The following STK32B variants were observed in gnomAD, a reference collection of about 807,000 sequenced individuals.
STK32B encodes serine/threonine-protein kinase 32B.
In STK32B, 43 loss-of-function variants were observed where a neutral mutation model predicts 52.6. The observed-to-expected ratio is 0.82, with a 90% CI of 0.64 to 1.05. The LOEUF (loss-of-function observed/expected upper bound fraction) is 1.05, where lower values mean the gene tolerates loss of function less well. Ranked by LOEUF, STK32B falls within the 50% of genes least tolerant of loss-of-function variation. The pLI is 0.00. For synonymous variants in STK32B, 238 were observed against 204.3 expected, an observed-to-expected ratio of 1.17 and a Z score of -1.41; for missense variants, 621 against 534.6, an observed-to-expected ratio of 1.16 and a Z score of -1.59.
chr4:5,078,040 T>G (rs1464194159), intron 1 of STK32B, among the ~76,000 whole-genome samples: 1 of 152,164 alleles, frequency 6.6e-6, no homozygotes, highest in Non-Finnish European at 1.5e-5. Flanking sequence ...ATCTCTTCTC[T>G]CAACGTCTTA....
intron 3 of STK32B, among the ~76,000 whole-genome samples, chr4:5,281,026 G>A (rs1206738779): frequency 6.6e-6 from 1 of 152,154 alleles, no homozygotes; most frequent in Non-Finnish European, 1.5e-5. Context: ...GGCTGGGGAT[G>A]CCTCAGGAAA....
intron 3 of STK32B, among the ~76,000 whole-genome samples, chr4:5,309,858 C>T (rs1462138877): frequency 6.6e-6 from 1 of 152,040 alleles, no homozygotes; most frequent in Non-Finnish European, 1.5e-5. Context: ...AAAGCACAGA[C>T]AACAAAAGCA....
intron 2 of STK32B, among the ~76,000 whole-genome samples, chr4:5,143,152 C>T (rs1716636132): frequency 9.6e-6 from 1 of 104,162 alleles, no homozygotes; most frequent in South Asian, 3.1e-4. Flanking sequence ...TCTATCTGTC[C>T]ATATTCTGTT....
chr4:5,455,966 G>A (rs1322151587), intron 7 of STK32B, among the ~76,000 whole-genome samples: 1 of 152,082 alleles, frequency 6.6e-6, no homozygotes. Context: ...GTCATCCCAA[G>A]ACATGTGGCC....
chr4:5,146,109 A>G (rs1716895021), intron 2 of STK32B, among the ~76,000 whole-genome samples: 1 of 137,570 alleles, frequency 7.3e-6, no homozygotes. Flanking sequence ...TCTTTTGTTT[A>G]TTGGATTGTG....
chr4:5,411,423 G>A (rs1308404010), intron 5 of STK32B, among the ~76,000 whole-genome samples: 3 of 152,084 alleles, frequency 2.0e-5, no homozygotes, highest in East Asian at 3.9e-4. Context: ...AAATGATTTC[G>A]TAGCAGACAA....
chr4:5,024,969 G>C, the STK32B span, among the ~76,000 whole-genome samples: 1 of 152,268 alleles, frequency 6.6e-6, no homozygotes, highest in Middle Eastern at 3.4e-3. Flanking sequence ...TCTCTGAAGG[G>C]AGTTGCTGTA....
chr4:5,106,507 A>G (rs1267458669), intron 1 of STK32B, among the ~76,000 whole-genome samples: 1 of 152,226 alleles, frequency 6.6e-6, no homozygotes, highest in Non-Finnish European at 1.5e-5. Context: ...CCTACTTGGA[A>G]TAGATTTTTG....
chr4:5,347,035 T>C (rs1290009514), intron 4 of STK32B, among the ~76,000 whole-genome samples: 1 of 152,190 alleles, frequency 6.6e-6, no homozygotes, highest in Non-Finnish European at 1.5e-5. Context: ...ACTGCCCCTG[T>C]GATCTGGTCA....
At chr4:5,343,236 G>A (rs1303397805) in intron 4 of STK32B, among the ~76,000 whole-genome samples, 1 of 151,956 alleles carries the variant, frequency 6.6e-6, no homozygotes, top group Non-Finnish European at 1.5e-5. Context: ...TGCTGAGAAT[G>A]ATGGTTTCCA....
intron 1 of STK32B, among the ~76,000 whole-genome samples, chr4:5,113,440 C>G (rs887202166): frequency 3.3e-5 from 5 of 152,240 alleles, no homozygotes; most frequent in African/African-American, 9.6e-5. Context: ...ATGCAGCACA[C>G]AAAGCTTCTT....
At chr4:5,393,255 G>A (rs1458274806) in intron 4 of STK32B, among the ~76,000 whole-genome samples, 1 of 152,134 alleles carries the variant, frequency 6.6e-6, no homozygotes, top group African/African-American at 2.4e-5. Context: ...GCCCCACTCT[G>A]TTATTATTCA....
chr4:5,074,157 C>G (rs1711937182), intron 1 of STK32B, among the ~76,000 whole-genome samples: 2 of 149,968 alleles, frequency 1.3e-5, no homozygotes, highest in South Asian at 4.2e-4. Context: ...CCACAGACTA[C>G]CGGAGATTCT....
At chr4:5,125,485 G>A (rs779447815) in intron 1 of STK32B, among the ~76,000 whole-genome samples, 1 of 152,170 alleles carries the variant, frequency 6.6e-6, no homozygotes, top group Non-Finnish European at 1.5e-5. Flanking sequence ...AGAGTCATGG[G>A]GGCAGCTGCA....
chr4:5,344,458 T>C (rs6817527), intron 4 of STK32B, among the ~76,000 whole-genome samples: 53,501 of 151,990 alleles, frequency 0.35, 11,964 homozygotes, highest in African/African-American at 0.64. Context: ...AACTAACAGT[T>C]TCAGTACTGA....
At position 5,360,584 on chromosome 4, in the gene STK32B, C is replaced by A. The variant is rs71597754; in HGVS notation, c.434+29191C>A. Among the ~76,000 whole-genome samples, 965 of 152,178 alleles carry A rather than the reference C, an allele frequency of 6.3e-3. 3 individuals carry two copies. The highest frequency in any genetic ancestry group is 0.011 in the Non-Finnish European group (741 of 68,020). ...CATTACTGATGCAAGAGGTACACAG[C>A]ATGTTTTATGGTTTTATAGCTGGGA... On this transcript the variant is annotated intron_variant, in intron 4 of 11. Transcript: ENST00000282908.
At chr4:5,183,551 A>G (rs1720516400) in intron 3 of STK32B, among the ~76,000 whole-genome samples, 1 of 152,204 alleles carries the variant, frequency 6.6e-6, no homozygotes, top group African/African-American at 2.4e-5. Flanking sequence ...TTAAAGTCCT[A>G]GATGGCATCT....
chr4:5,341,598 A>G (rs1203225963), intron 4 of STK32B, among the ~76,000 whole-genome samples: 1 of 152,240 alleles, frequency 6.6e-6, no homozygotes, highest in Non-Finnish European at 1.5e-5. Context: ...TAAATTTGCT[A>G]TATTAGGCTG....
At chr4:5,144,810 ATCC>A (rs1716780248) in intron 2 of STK32B, among the ~76,000 whole-genome samples, 1 of 152,038 alleles carries the variant, frequency 6.6e-6, no homozygotes, top group African/African-American at 2.4e-5. Flanking sequence ...CCATCCATCC[ATCC>A]ATCCATCCAT....
Sources: allele counts gnomAD v4.1 joint callset (sites outside exome capture counted in the v4.1 genomes callset), GRCh38; gene constraint gnomAD v4.1.1; transcripts MANE v1.5; gene names NCBI Gene and HGNC (gene_info 2026-07-23, HGNC 2026-07-21).